Variants in FMN1 observed in about 807,000 individuals in gnomAD.
The protein encoded by FMN1 is formin 1, also known as formin-1.
Under a neutral mutation model 132.4 loss-of-function variants are expected in FMN1, and 110 were observed. The observed-to-expected ratio is 0.83, with a 90% CI of 0.71 to 0.97. The LOEUF (loss-of-function observed/expected upper bound fraction) is 0.97, where lower values mean the gene tolerates loss of function less well. FMN1 is among the 50% of genes least tolerant of loss of function. The pLI, the probability that FMN1 is intolerant of heterozygous loss-of-function variation, is 0.00. For synonymous variants in FMN1, 722 were observed against 651.7 expected (o/e 1.11, Z -1.64); for missense variants, 1,792 against 1,705.3 (o/e 1.05, Z -0.90).
At chr15:33,180,736 C>T (rs1455911698) in intron 2 of FMN1, among the ~76,000 whole-genome samples, 1 of 145,720 alleles carries the variant, frequency 6.9e-6, no homozygotes, top group African/African-American at 2.5e-5. Context: ...CAGAGGCTCT[C>T]CTGCTGCCTT....
chr15:32,940,304 A>G (rs1187964401), intron 9 of FMN1, among the ~76,000 whole-genome samples: 3 of 152,028 alleles, frequency 2.0e-5, no homozygotes, highest in Non-Finnish European at 4.4e-5. Flanking sequence ...CTTGCTCGTC[A>G]TTGTATCAAC....
intron 17 of FMN1, among the ~76,000 whole-genome samples, chr15:32,808,616 C>T (rs1048076550): frequency 1.4e-4 from 22 of 152,122 alleles, no homozygotes; most frequent in East Asian, 5.8e-4. Context: ...GAGCCTTATC[C>T]GTAAAATGGG....
At chr15:32,848,012 G>A (rs534241156) in intron 17 of FMN1, among the ~76,000 whole-genome samples, 1 of 152,142 alleles carries the variant, frequency 6.6e-6, no homozygotes, top group Non-Finnish European at 1.5e-5. Context: ...GGGGTAATCT[G>A]AGAGAAGATC....
chr15:33,154,505 C>G lies in FMN1; in HGVS notation c.410G>C (p.Gly137Ala). ...CACGGGGAGCTCTCCCTGCCAGTCA[C>G]CAGCACTCTGGAAACAGTCATCCTC... Reference protein sequence around the residue: ...APEDDCFQSAGDWQGELPVGP... With the variant: ...APEDDCFQSAADWQGELPVGP... The change falls in exon 4 of 21, where the codon GGT becomes GCT. Residue 137 changes from glycine to alanine, a missense_variant. By Grantham distance (60) the Gly-to-Ala change is moderately conservative. Around this residue, in one of 3 missense-constraint regions of FMN1, gnomAD observed 638 missense variants for 645.2 expected, o/e 0.99. Transcript: ENST00000616417. 2.6e-6 allele frequency: 4 copies of G among 1,536,102 alleles called. No individual in the cohort carries two copies. Among genetic ancestry groups the G allele is most frequent in the Non-Finnish European group, 3.5e-6 (4 of 1,146,918 alleles).
chr15:32,822,086 T>C (rs1327967913), intron 17 of FMN1, among the ~76,000 whole-genome samples: 1 of 152,158 alleles, frequency 6.6e-6, no homozygotes, highest in Non-Finnish European at 1.5e-5. Context: ...ATCTGTGAGA[T>C]ACCTGTAATC....
In FMN1 at chr15:32,817,484, G is replaced by A. The variant is rs148634546; in HGVS notation, c.3929-13152C>T. Among the ~76,000 whole-genome samples, 86 of 152,258 alleles carry A rather than the reference G, an allele frequency of 5.6e-4. 1 individual carries two copies. The East Asian group carries it at 0.016, about 28-fold the overall frequency. ...AGAAATGGTACCCAAGAATTAACACGATGACTTCAAGAGCTCTGATGTTAC... is the reference window on the plus strand; with the variant it reads ...AGAAATGGTACCCAAGAATTAACACAATGACTTCAAGAGCTCTGATGTTAC... On this transcript the variant is annotated intron_variant, in intron 17 of 20. Transcript: ENST00000616417.
chr15:33,121,174 A>G (rs1341395305), intron 4 of FMN1, among the ~76,000 whole-genome samples: 2 of 152,236 alleles, frequency 1.3e-5, no homozygotes, highest in Non-Finnish European at 1.5e-5. Flanking sequence ...GATCAACAAC[A>G]ACAAAAAATT....
At chr15:33,102,195 T>C (rs1027141390) in intron 4 of FMN1, among the ~76,000 whole-genome samples, 3 of 152,154 alleles carry the variant, frequency 2.0e-5, no homozygotes, top group Non-Finnish European at 4.4e-5. Flanking sequence ...GGTTTTCCCC[T>C]ATATCAGGAC....
At chr15:33,022,770 C>CA (rs1284169465) in intron 6 of FMN1, among the ~76,000 whole-genome samples, 1 of 149,976 alleles carries the variant, frequency 6.7e-6, no homozygotes, top group Non-Finnish European at 1.5e-5. Flanking sequence ...CAGGGACTGA[C>CA]AGCACTAACG....
chr15:32,898,055 A>C (rs1596216948), intron 15 of FMN1, among the ~76,000 whole-genome samples: 1 of 152,148 alleles, frequency 6.6e-6, no homozygotes, highest in Non-Finnish European at 1.5e-5. Flanking sequence ...GGGTAGAAGA[A>C]AGTATTATGG....
chr15:33,106,764 T>A (rs1251220346), intron 4 of FMN1, among the ~76,000 whole-genome samples: 1 of 152,052 alleles, frequency 6.6e-6, no homozygotes, highest in East Asian at 1.9e-4. Flanking sequence ...TACTCACTAG[T>A]TAATAGTAGC....
chr15:32,917,274 T>C (rs2060707425), intron 10 of FMN1, among the ~76,000 whole-genome samples: 1 of 152,224 alleles, frequency 6.6e-6, no homozygotes, highest in Non-Finnish European at 1.5e-5. Flanking sequence ...GTCATAGTTC[T>C]CCTACAACCT....
At position 33,106,505 on chromosome 15, in the gene FMN1, A is replaced by G. The variant is rs2039493973; in HGVS notation, c.1868-17531T>C. Among the ~76,000 whole-genome samples, 3 of 151,988 alleles carry G rather than the reference A, an allele frequency of 2.0e-5. No homozygotes were observed. The South Asian group carries it at 6.2e-4, about 32-fold the overall frequency. ...CCCCAAATTTTCATCATCTCATGGA[A>G]CTTCTCAGGAGCATCCAGCAGGGTT... is the stretch of plus-strand genomic sequence containing the variant. On this transcript the variant is annotated intron_variant, in intron 4 of 20. Coordinates refer to ENST00000616417, the MANE Select transcript of FMN1 (RefSeq NM_001277313.2).
chr15:33,171,196 A>T (rs1965308406), intron 3 of FMN1, among the ~76,000 whole-genome samples: 1 of 152,220 alleles, frequency 6.6e-6, no homozygotes, highest in Non-Finnish European at 1.5e-5. Flanking sequence ...GCAGAATTAT[A>T]GTTTCCAGAG....
intron 3 of FMN1, among the ~76,000 whole-genome samples, chr15:33,166,138 A>G (rs972442293): frequency 2.0e-5 from 3 of 152,210 alleles, no homozygotes. Flanking sequence ...TGAGGCAGAC[A>G]TAGCAGATGC....
intron 7 of FMN1, among the ~76,000 whole-genome samples, chr15:32,992,688 G>A (rs1026299694): frequency 1.4e-4 from 21 of 152,124 alleles, no homozygotes; most frequent in Non-Finnish European, 4.4e-5. Flanking sequence ...ATTTTCCTGT[G>A]TGTATGTGCA....
chr15:33,115,963 G>T (rs1190105054), intron 4 of FMN1, among the ~76,000 whole-genome samples: 1 of 152,108 alleles, frequency 6.6e-6, no homozygotes, highest in Non-Finnish European at 1.5e-5. Flanking sequence ...TGCAATAATA[G>T]TAAGTTTCTC....
chr15:32,876,742 A>T (rs1198367918), intron 16 of FMN1, among the ~76,000 whole-genome samples: 1 of 152,252 alleles, frequency 6.6e-6, no homozygotes, highest in Non-Finnish European at 1.5e-5. Flanking sequence ...AACTTTAAAA[A>T]TACAGTAGGG....
intron 5 of FMN1, among the ~76,000 whole-genome samples, chr15:33,069,113 G>A (rs1048115337): frequency 1.3e-5 from 2 of 152,202 alleles, no homozygotes; most frequent in African/African-American, 2.4e-5. Context: ...CTATCAGTCA[G>A]ATCTCTATCA....
Sources: allele counts gnomAD v4.1 joint callset (sites outside exome capture counted in the v4.1 genomes callset), GRCh38; gene constraint gnomAD v4.1.1; regional missense constraint gnomAD v4.1.1; transcripts MANE v1.5; gene names NCBI Gene and HGNC (gene_info 2026-07-23, HGNC 2026-07-21).